AIRE: variants seen among roughly 807,000 people sequenced by gnomAD.
AIRE encodes autoimmune polyendocrinopathy candidiasis ectodermal dystrophy protein.
In AIRE, 52 loss-of-function variants were observed where a neutral mutation model predicts 62.1. The observed-to-expected ratio is 0.84, with a 90% CI of 0.67 to 1.06. AIRE has a LOEUF of 1.06. AIRE is among the 50% of genes least tolerant of loss of function. AIRE has a pLI of 0.00. For missense variants in AIRE, 774 were observed against 755.8 expected, an observed-to-expected ratio of 1.02 and a Z score of -0.28; for synonymous variants, 342 against 321.6, an observed-to-expected ratio of 1.06 and a Z score of -0.68.
At position 44,289,793 on chromosome 21, in the gene AIRE, C is replaced by T. The variant is rs138066507; in HGVS notation, c.789C>T (p.Gly263=). The T allele has an allele frequency of 8.5e-4, 1,375 of 1,612,616 alleles. 6 individuals are homozygous for T. The highest frequency in any genetic ancestry group is 1.0e-3 in the Middle Eastern group (6 of 5,968). Residue 263 remains glycine (G), a synonymous_variant, in exon 6 of 14, where the codon GGC becomes GGT. Coordinates refer to ENST00000291582, the MANE Select transcript of AIRE (RefSeq NM_000383.4). ...TGGTTCGAGCCAAGGGAGCCCAGGG[C>T]GCTGCCCCCGTAAGCACCTGACCTT... The part of the protein sequence containing the change: ...KPLVRAKGAQ[G]AAPGGGEARL...
intron 10 of AIRE, 55 bp from the exon 11 acceptor site, chr21:44,293,734 T>C (rs2040570147): frequency 1.8e-5 from 28 of 1,593,742 alleles, no homozygotes; most frequent in Non-Finnish European, 2.4e-5. Flanking sequence ...CGGGTTCGGG[T>C]TCAGCTACAT....
rs1427478912 is a variant in AIRE, at chr21:44,286,500, G to A, written c.133-57G>A. 4 of 1,547,460 alleles carry A rather than the reference G, an allele frequency of 2.6e-6. No individual in the cohort carries two copies. The African/African-American group carries it at 4.1e-5, about 16-fold the overall frequency. ...CCACCCTCTAGTCATGATGGAGATG[G>A]GCAGGCCGCAGGGTGTGGGGGACCA... On this transcript the variant is annotated intron_variant, in intron 1 of 13. Coordinates refer to ENST00000291582, the MANE Select transcript of AIRE (RefSeq NM_000383.4). The surrounding 1 kb of genome is among the most constrained non-coding windows in gnomAD (Gnocchi z 6.0).
chr21:44,290,738 A>G, intron 7 of AIRE: 4 of 1,412,210 alleles, frequency 2.8e-6, no homozygotes, highest in Non-Finnish European at 3.8e-6. Flanking sequence ...CAGGTGGAGG[A>G]TTCAGCAGGC....
In AIRE at chr21:44,286,656, T is replaced by C. The variant is rs179363880; in HGVS notation, c.232T>C (p.Trp78Arg). The C allele has an allele frequency of 6.8e-6, 11 of 1,612,962 alleles. No homozygotes were observed. The highest frequency in any genetic ancestry group is 8.5e-6 in the Non-Finnish European group (10 of 1,180,022). Reference protein sequence around the residue: ...TQDSTAILDFWRVLFKDYNLE... With the variant: ...TQDSTAILDFRRVLFKDYNLE... Reference sequence around the variant, plus strand: ...GGACTCCACAGCCATCCTGGACTTCTGGAGGGTGCTGTTCAAGGACTACAA... The same window carrying C: ...GGACTCCACAGCCATCCTGGACTTCCGGAGGGTGCTGTTCAAGGACTACAA... Residue 78 changes from tryptophan (W) to arginine (R), a missense_variant, in exon 2 of 14, where the codon TGG becomes CGG. Trp to Arg is a moderately radical substitution (Grantham distance 101, BLOSUM62 -3). Around this residue, in one of 3 missense-constraint regions of AIRE, gnomAD observed 385 missense variants for 396.0 expected, o/e 0.97. Transcript: ENST00000291582. The surrounding 1 kb of genome is among the most constrained non-coding windows in gnomAD (Gnocchi z 6.0).
At chr21:44,293,972 C>T (rs1306598561) in intron 11 of AIRE, 62 bp downstream of exon 11, 3 of 1,536,590 alleles carry the variant, frequency 2.0e-6, no homozygotes, top group African/African-American at 1.4e-5. Flanking sequence ...CCCCACCCCA[C>T]ACTCCCCACC....
chr21:44,292,548 G>A (rs890706326), intron 9 of AIRE, 147 bp downstream of exon 9: 5 of 636,424 alleles, frequency 7.9e-6, no homozygotes, highest in African/African-American at 3.6e-5. Flanking sequence ...TGTCCCCCAT[G>A]CCCAAGCCCG....
intron 9 of AIRE, 85 bp downstream of exon 9, chr21:44,292,486 C>CCGTCTGT: frequency 1.1e-6 from 1 of 917,530 alleles, no homozygotes; most frequent in Non-Finnish European, 1.7e-6. Flanking sequence ...CCCCTCCTGT[C>CCGTCTGT]CGTCTGTCCC....
At chr21:44,295,495 G>C (rs534162689) in intron 12 of AIRE, among the ~76,000 whole-genome samples, 8 of 152,316 alleles carry the variant, frequency 5.3e-5, no homozygotes, top group Admixed American at 5.2e-4. Flanking sequence ...GGAGTCAGGA[G>C]CCCAGCCGGG....
chr21:44,294,326 A>C (rs1601970474), intron 11 of AIRE, 75 bp from the exon 12 acceptor site: 7 of 692,048 alleles, frequency 1.0e-5, no homozygotes, highest in South Asian at 4.0e-5. Flanking sequence ...CCACGCCCAC[A>C]CCCCACACCC....
chr21:44,293,732 G>T, intron 10 of AIRE, 57 bp from the exon 11 acceptor site: 1 of 1,593,704 alleles, frequency 6.3e-7, no homozygotes, highest in Non-Finnish European at 8.5e-7. Flanking sequence ...CTCGGGTTCG[G>T]GTTCAGCTAC....
intron 13 of AIRE, among the ~76,000 whole-genome samples, chr21:44,296,665 G>C (rs56328754): frequency 4.0e-4 from 16 of 40,500 alleles, no homozygotes; most frequent in African/African-American, 1.0e-3. Context: ...AGCCCCCCCC[G>C]GCCCCTCCCC....
chr21:44,286,681 A>G lies in AIRE; in HGVS notation c.257A>G (p.Asn86Ser), dbSNP rs775787296. The G allele has an allele frequency of 6.2e-7, 1 of 1,612,938 alleles. No individual in the cohort carries two copies. The change falls in exon 2 of 14, where the codon AAC becomes AGC. Residue 86 changes from asparagine (N) to serine (S), a missense_variant. Transcript: ENST00000291582. The surrounding 1 kb of genome is among the most constrained non-coding windows in gnomAD (Gnocchi z 6.0). Reference sequence around the variant, plus strand: ...TGGAGGGTGCTGTTCAAGGACTACAACCTGGAGCGCTATGGCCGGCTGCAG... The same window carrying G: ...TGGAGGGTGCTGTTCAAGGACTACAGCCTGGAGCGCTATGGCCGGCTGCAG... ...DFWRVLFKDYNLERYGRLQPI... is the reference protein window; with the variant it reads ...DFWRVLFKDYSLERYGRLQPI...
chr21:44,295,422 C>T (rs891229779), intron 12 of AIRE, among the ~76,000 whole-genome samples: 4 of 152,328 alleles, frequency 2.6e-5, no homozygotes, highest in South Asian at 2.1e-4. Flanking sequence ...GGAACAGTGG[C>T]GTGGCCCACA....
At chr21:44,289,849 G>A (rs199721573) in intron 6 of AIRE, 47 bp downstream of exon 6, 45 of 1,611,092 alleles carry the variant, frequency 2.8e-5, no homozygotes, top group Admixed American at 6.7e-5. Context: ...GATGCCCCCC[G>A]CCCCAGGAAC....
At position 44,286,960 on chromosome 21, in the gene AIRE, C is replaced by T. The variant is rs1001249116; in HGVS notation, c.308-18C>T. Reference sequence around the variant, plus strand: ...AAAACCCTGAGGTTGGGACCCTGCTCCTGCCCCTGAGCTGCAGATGTGGAC... The same window carrying T: ...AAAACCCTGAGGTTGGGACCCTGCTTCTGCCCCTGAGCTGCAGATGTGGAC... On this transcript the variant is annotated intron_variant, in intron 2 of 13. Transcript: ENST00000291582. This position sits in a 1 kb window ranked among gnomAD's most constrained non-coding sequence, Gnocchi z 6.0. 5.6e-6 allele frequency: 9 copies of T among 1,612,768 alleles called. No individual in the cohort carries two copies. The highest frequency in any genetic ancestry group is 7.6e-6 in the Non-Finnish European group (9 of 1,179,982).
Position 44,285,927 on chromosome 21 carries a change from G to T in AIRE, c.-80G>T. On this transcript the variant is annotated 5_prime_UTR_variant, in exon 1 of 14. Coordinates refer to ENST00000291582, the MANE Select transcript of AIRE (RefSeq NM_000383.4). ...CGCGGAGGCCCCACAGCCCCGCCGG[G>T]ACCCGAGGCCAAGCGAGGGGCTGCC... 2 of 1,409,822 alleles carry T rather than the reference G, an allele frequency of 1.4e-6. No homozygotes were observed. The highest frequency in any genetic ancestry group is 1.3e-5 in the South Asian group (1 of 76,264). The allele number at this position is 1,409,822 out of a possible 1,614,324, so 87.3% of individuals were successfully genotyped here.
Position 44,294,447 on chromosome 21 carries a change from C to A in AIRE, c.1447C>A (p.Pro483Thr), listed in dbSNP as rs780816581. Residue 483 changes from proline (P) to threonine (T), a missense_variant, in exon 12 of 14, where the codon CCT (proline) becomes ACT (threonine). Physicochemically the swap from Pro to Thr is conservative, Grantham distance 38 (BLOSUM62 -1). Transcript: ENST00000291582. Reference protein sequence around the residue: ...RSCSGDVTPAPVEGVLAPSPA... With the variant: ...RSCSGDVTPATVEGVLAPSPA... ...CTGCTCAGGAGACGTGACCCCAGCC[C>A]CTGTGGAGGGGGTGCTGGCCCCCAG... is the stretch of plus-strand genomic sequence containing the variant. 2 of 1,573,788 alleles carry A rather than the reference C, an allele frequency of 1.3e-6. No homozygotes were observed. Among genetic ancestry groups the A allele is most frequent in the Non-Finnish European group, 1.7e-6 (2 of 1,167,428 alleles).
At position 44,287,369 on chromosome 21, in the gene AIRE, C is replaced by T. The variant is rs1204533015; in HGVS notation, c.464-148C>T. On this transcript the variant is annotated intron_variant, in intron 3 of 13. Transcript: ENST00000291582. The surrounding 1 kb of genome is among the most constrained non-coding windows in gnomAD (Gnocchi z 4.3). ...GAAGTAGGCGGGCGGGTCTCATTTC[C>T]CTTTTACTGATGAGAAACCAGAGCC... is the stretch of plus-strand genomic sequence containing the variant. 11 of 722,320 alleles carry T rather than the reference C, an allele frequency of 1.5e-5. No individual in the cohort carries two copies. Among genetic ancestry groups the T allele is most frequent in the Admixed American group, 2.6e-5 (1 of 38,908 alleles). 44.7% of individuals were successfully genotyped at this position (722,320 alleles called of 1,614,324 possible). A position where few individuals can be genotyped will look rare whatever the true frequency, so the allele number is the denominator to read the frequency against.
chr21:44,290,276 G>A (rs2040523071), intron 7 of AIRE: 4 of 985,436 alleles, frequency 4.1e-6, no homozygotes, highest in African/African-American at 3.5e-5. Context: ...GAGAAAGTGA[G>A]GTCTTCTCAG....
Sources: allele counts gnomAD v4.1 joint callset (sites outside exome capture counted in the v4.1 genomes callset), GRCh38; gene constraint gnomAD v4.1.1; regional missense constraint gnomAD v4.1.1; non-coding constraint Gnocchi (gnomAD v3.1); transcripts MANE v1.5; gene names NCBI Gene and HGNC (gene_info 2026-07-23, HGNC 2026-07-21).